Variants in DGKB observed in about 807,000 individuals in gnomAD.
The protein encoded by DGKB is diacylglycerol kinase beta.
In DGKB, 67 loss-of-function variants were observed where a neutral mutation model predicts 114.3. The ratio of observed to expected loss-of-function variants is 0.59; its 90% confidence interval spans 0.48 to 0.72. The LOEUF is 0.72. DGKB is among the 30% of genes least tolerant of loss of function. The pLI, the probability that DGKB is intolerant of heterozygous loss-of-function variation, is 0.00. For missense variants in DGKB, 907 were observed against 975.2 expected (o/e 0.93, Z 0.93); for synonymous variants, 398 against 323.1 (o/e 1.23, Z -2.49).
At chr7:14,913,208 T>A (rs1283018770) in intron 1 of DGKB, among the ~76,000 whole-genome samples, 3 of 151,898 alleles carry the variant, frequency 2.0e-5, no homozygotes, top group Non-Finnish European at 4.4e-5. Flanking sequence ...TTTTCCTTGC[T>A]TTGTTTGGCA....
intron 17 of DGKB, among the ~76,000 whole-genome samples, chr7:14,593,724 G>C (rs1299650037): frequency 6.6e-6 from 1 of 151,726 alleles, no homozygotes; most frequent in Admixed American, 6.6e-5. Flanking sequence ...TTTAGACTGA[G>C]CTTCTGCACT....
chr7:14,388,861 C>T (rs1019301447), intron 21 of DGKB, among the ~76,000 whole-genome samples: 5 of 152,076 alleles, frequency 3.3e-5, no homozygotes, highest in Admixed American at 2.6e-4. Flanking sequence ...TTGTTGAACT[C>T]CTTCTCTCTC....
At position 14,690,587 on chromosome 7, in the gene DGKB, G is replaced by T. The variant is rs1488663228; in HGVS notation, c.711+3488C>A. Among the ~76,000 whole-genome samples the T allele has an allele frequency of 3.9e-5, 6 of 152,192 alleles. No individual in the cohort carries two copies. In the East Asian group the frequency reaches 9.6e-4, roughly 24 times the overall value. On this transcript the variant is annotated intron_variant, in intron 9 of 25. Coordinates refer to ENST00000402815, the MANE Select transcript of DGKB (RefSeq NM_001350709.2). ...TGGCCAGCAACCTGTTTTTGCACAT[G>T]CAGTTTTATTAAAACATAGCTTTTG... is the stretch of plus-strand genomic sequence containing the variant.
intron 13 of DGKB, among the ~76,000 whole-genome samples, chr7:14,670,368 T>A (rs1818765973): frequency 1.3e-5 from 2 of 151,710 alleles, no homozygotes. Flanking sequence ...AGTGATGCAA[T>A]CTTGGCTCAC....
intron 23 of DGKB, among the ~76,000 whole-genome samples, chr7:14,262,898 T>C (rs1478254945): frequency 6.6e-6 from 1 of 152,100 alleles, no homozygotes; most frequent in South Asian, 2.1e-4. Flanking sequence ...GACGTTTTAT[T>C]AAACAAATCA....
At chr7:14,857,299 A>G (rs10950538) in intron 1 of DGKB, among the ~76,000 whole-genome samples, 19,391 of 90,710 alleles carry the variant, frequency 0.21, 2,202 homozygotes, top group East Asian at 0.52. Context: ...TGAAGGAGCA[A>G]GCTTCTATGA....
intron 1 of DGKB, among the ~76,000 whole-genome samples, chr7:14,910,439 C>A (rs1012970405): frequency 1.2e-4 from 18 of 152,038 alleles, no homozygotes; most frequent in African/African-American, 4.3e-4. Context: ...AAGAAAAAGA[C>A]TGGAAGACAT....
intron 12 of DGKB, among the ~76,000 whole-genome samples, chr7:14,676,172 T>A (rs1819819153): frequency 6.7e-6 from 1 of 148,970 alleles, no homozygotes; most frequent in African/African-American, 2.6e-5. Context: ...ATTCAAAAGC[T>A]ACAAATTTTT....
intron 21 of DGKB, among the ~76,000 whole-genome samples, chr7:14,370,664 A>G (rs997038696): frequency 1.3e-5 from 2 of 152,020 alleles, no homozygotes; most frequent in African/African-American, 4.8e-5. Context: ...GAGTTTTAAA[A>G]GATAATTTCA....
In DGKB at chr7:14,236,344, TA is replaced by T. The variant is rs35503614; in HGVS notation, c.2123-58194del. Among the ~76,000 whole-genome samples the T allele has an allele frequency of 1.3e-3, 111 of 86,702 alleles. 3 individuals are homozygous for T. Among genetic ancestry groups the T allele is most frequent in the Middle Eastern group, 4.9e-3 (1 of 204 alleles). 56.9% of individuals were successfully genotyped at this position (86,702 alleles called of 152,430 possible). A position where few individuals can be genotyped will look rare whatever the true frequency, so the allele number is the denominator to read the frequency against. On this transcript the variant is annotated intron_variant, in intron 23 of 25. Transcript: ENST00000402815. The stretch of plus-strand genomic sequence containing the variant: ...AATGGAGAGTATTCATTCCAATTAA[TA>T]AAAAAAAAGCTATTATTTCTGCCAA...
At position 14,194,727 on chromosome 7, in the gene DGKB, G is replaced by T. The variant is rs141089256; in HGVS notation, c.2123-16576C>A. On this transcript the variant is annotated intron_variant, in intron 23 of 25. Coordinates refer to ENST00000402815, the MANE Select transcript of DGKB (RefSeq NM_001350709.2). ...CATAGTGGAAGCCTGACTTTAAAAA[G>T]AACTTTTCAAGAATGGATTTGATCA... Among the ~76,000 whole-genome samples, 537 of 152,152 alleles carry T rather than the reference G, an allele frequency of 3.5e-3. 4 individuals are homozygous for T. Among genetic ancestry groups the T allele is most frequent in the African/African-American group, 0.012 (513 of 41,524 alleles).
rs896759752 is a variant in DGKB at position 14,345,433 on chromosome 7, A to T, written c.1836-42T>A. 8.7e-6 allele frequency: 9 copies of T among 1,037,328 alleles called. No individual in the cohort carries two copies. The Middle Eastern group carries it at 6.2e-4, about 72-fold the overall frequency. 64.3% of individuals were successfully genotyped at this position (1,037,328 alleles called of 1,614,324 possible). On this transcript the variant is annotated intron_variant, in intron 21 of 25. Transcript: ENST00000402815. ...AGAAGCACCTTAGGCAATTATCAAT[A>T]ACAGAGGGATCTTTTAAAAAATGGT...
chr7:14,828,083 G>T (rs892308941), intron 2 of DGKB, among the ~76,000 whole-genome samples: 1 of 152,066 alleles, frequency 6.6e-6, no homozygotes, highest in Non-Finnish European at 1.5e-5. Context: ...AAAATGCCAA[G>T]ATACATATGC....
intron 23 of DGKB, among the ~76,000 whole-genome samples, chr7:14,181,740 A>G (rs538369614): frequency 5.9e-5 from 9 of 152,208 alleles, no homozygotes; most frequent in Admixed American, 3.9e-4. Flanking sequence ...ATTTGTGTCT[A>G]TCTAGAGGAA....
chr7:14,448,271 C>A (rs893569687), intron 21 of DGKB, among the ~76,000 whole-genome samples: 1 of 152,136 alleles, frequency 6.6e-6, no homozygotes, highest in African/African-American at 2.4e-5. Flanking sequence ...AGAAAGAAAG[C>A]ATTATGCAGA....
chr7:14,183,441 TA>T (rs1782932190), intron 23 of DGKB, among the ~76,000 whole-genome samples: 1 of 152,192 alleles, frequency 6.6e-6, no homozygotes. Context: ...TACAAGTATG[TA>T]AAACATAAAG....
At chr7:14,868,114 A>T (rs1851940217) in intron 1 of DGKB, among the ~76,000 whole-genome samples, 1 of 151,926 alleles carries the variant, frequency 6.6e-6, no homozygotes, top group Non-Finnish European at 1.5e-5. Context: ...ATGTAACTAG[A>T]CCTTCTTCTT....
chr7:14,717,103 C>T (rs912409197), intron 6 of DGKB, among the ~76,000 whole-genome samples: 1 of 152,016 alleles, frequency 6.6e-6, no homozygotes, highest in Non-Finnish European at 1.5e-5. Context: ...GGTGAGTCAA[C>T]ATTCTATCTG....
intron 6 of DGKB, among the ~76,000 whole-genome samples, chr7:14,702,018 A>T (rs1242554263): frequency 6.6e-6 from 1 of 152,196 alleles, no homozygotes; most frequent in East Asian, 1.9e-4. Context: ...TTAAATGTCA[A>T]CTCAAAACTA....
Sources: allele counts gnomAD v4.1 joint callset (sites outside exome capture counted in the v4.1 genomes callset), GRCh38; gene constraint gnomAD v4.1.1; transcripts MANE v1.5; gene names NCBI Gene and HGNC (gene_info 2026-07-23, HGNC 2026-07-21).